VWA8: variants seen among roughly 807,000 people sequenced by gnomAD.
VWA8 encodes von Willebrand factor A domain-containing protein 8.
Under a neutral mutation model 241.5 loss-of-function variants are expected in VWA8, and 221 were observed. That is an observed-to-expected ratio of 0.91 (90% CI 0.82 to 1.02). The LOEUF (loss-of-function observed/expected upper bound fraction) is 1.02. Ranked by LOEUF, VWA8 falls within the 50% of genes least tolerant of loss-of-function variation. The probability of loss-of-function intolerance (pLI) is 0.00; values close to 1 mark genes in which losing one functional copy is unlikely to be tolerated. For missense variants in VWA8, 2,322 were observed against 2,328.7 expected, an observed-to-expected ratio of 1.00 and a Z score of 0.06; for synonymous variants, 852 against 827.1, an observed-to-expected ratio of 1.03 and a Z score of -0.52.
intron 1 of VWA8, among the ~76,000 whole-genome samples, chr13:41,960,046 A>G (rs1878540785): frequency 6.6e-6 from 1 of 152,194 alleles, no homozygotes; most frequent in Non-Finnish European, 1.5e-5. Flanking sequence ...GAATCACTTC[A>G]CCATTCAAGG....
chr13:41,570,420 T>C (rs1408886343), intron 44 of VWA8, 48 bp downstream of exon 44: 1 of 1,525,432 alleles, frequency 6.6e-7, no homozygotes, highest in Non-Finnish European at 9.1e-7. Context: ...TGTTAGCTAC[T>C]CAGTATCTCT....
chr13:41,886,833 A>G lies in VWA8; in HGVS notation c.817-3T>C. On this transcript the variant is annotated splice_polypyrimidine_tract_variant and splice_region_variant and intron_variant, in intron 6 of 44. Coordinates refer to ENST00000379310, the MANE Select transcript of VWA8 (RefSeq NM_015058.2). Reference sequence around the variant, plus strand: ...GAATATAACAACTTAAGTTGGTCCTAAAGTAATACAGAAACATATTAAATT... The same window carrying G: ...GAATATAACAACTTAAGTTGGTCCTGAAGTAATACAGAAACATATTAAATT... 1.9e-6 allele frequency: 3 copies of G among 1,576,086 alleles called. No homozygotes were observed. Among genetic ancestry groups the G allele is most frequent in the Non-Finnish European group, 2.6e-6 (3 of 1,161,814 alleles).
At chr13:41,829,886 T>A (rs1871355321) in intron 14 of VWA8, among the ~76,000 whole-genome samples, 1 of 152,004 alleles carries the variant, frequency 6.6e-6, no homozygotes, top group Non-Finnish European at 1.5e-5. Flanking sequence ...ACTAAAGAAC[T>A]TATCCCTGTA....
At chr13:41,593,518 C>T (rs1266144171) in intron 40 of VWA8, among the ~76,000 whole-genome samples, 2 of 152,186 alleles carry the variant, frequency 1.3e-5, no homozygotes, top group Non-Finnish European at 2.9e-5. Flanking sequence ...GACAGACAAC[C>T]TTGACCACAC....
chr13:41,956,746 T>C (rs1878366613), intron 1 of VWA8, among the ~76,000 whole-genome samples: 1 of 152,230 alleles, frequency 6.6e-6, no homozygotes, highest in Admixed American at 6.5e-5. Flanking sequence ...GTTTATTGCA[T>C]TGTTTATATA....
At chr13:41,855,116 A>G (rs553185937) in intron 12 of VWA8, among the ~76,000 whole-genome samples, 2 of 151,952 alleles carry the variant, frequency 1.3e-5, no homozygotes, top group East Asian at 3.9e-4. Flanking sequence ...AAAATTAGAA[A>G]GAACAAAAAT....
intron 4 of VWA8, among the ~76,000 whole-genome samples, chr13:41,893,529 G>C (rs1405955268): frequency 6.7e-6 from 1 of 148,228 alleles, no homozygotes; most frequent in Non-Finnish European, 1.5e-5. Context: ...ACAAAAAAAA[G>C]AATCTCATTT....
At chr13:41,880,982 T>G (rs1874142992) in intron 9 of VWA8, among the ~76,000 whole-genome samples, 1 of 152,136 alleles carries the variant, frequency 6.6e-6, no homozygotes, top group African/African-American at 2.4e-5. Flanking sequence ...CCAAATGGTG[T>G]TTTTTCTATT....
chr13:41,691,080 T>C lies in VWA8; in HGVS notation c.3866+240A>G, dbSNP rs184838580. ...AAATAGGAAAAAGCCCAAATAAATA[T>C]GGATCATATGAAAAAGTCATGATTT... On this transcript the variant is annotated intron_variant, in intron 32 of 44. Transcript: ENST00000379310. Among the ~76,000 whole-genome samples, 592 of 152,180 alleles carry C rather than the reference T, an allele frequency of 3.9e-3. 7 individuals carry two copies. Among genetic ancestry groups the C allele is most frequent in the African/African-American group, 0.013 (532 of 41,524 alleles).
chr13:41,835,965 T>C (rs946851900), intron 12 of VWA8, among the ~76,000 whole-genome samples: 3 of 152,060 alleles, frequency 2.0e-5, no homozygotes, highest in African/African-American at 4.8e-5. Flanking sequence ...CAGAAACAGG[T>C]GGGGAACTTT....
Position 41,729,670 on chromosome 13 carries a change from G to A in VWA8, c.2510C>T (p.Ala837Val), listed in dbSNP as rs2045465824. 1.2e-6 allele frequency: 2 copies of A among 1,605,346 alleles called. No individual in the cohort carries two copies. The highest frequency in any genetic ancestry group is 3.5e-5 in the Admixed American group (2 of 57,658). ...IVYEDSPLVK[A>V]VKLGHILVVD... ...TACCAGAATATGACCCAACTTTACT[G>A]CTTTAACCTTTGACGACAGAAAATT... Residue 837 changes from alanine to valine, a missense_variant, in exon 23 of 45, where the codon GCA (alanine) becomes GTA (valine). Coordinates refer to ENST00000379310, the MANE Select transcript of VWA8 (RefSeq NM_015058.2).
chr13:41,818,428 C>T lies in VWA8; in HGVS notation c.1869+790G>A, dbSNP rs529447035. On this transcript the variant is annotated intron_variant, in intron 15 of 44. Coordinates refer to ENST00000379310, the MANE Select transcript of VWA8 (RefSeq NM_015058.2). Reference sequence around the variant, plus strand: ...CTCTACTAAAAATAGAAAAATTAGCCAGGTGTGGTGGTGCGCACCTGTAGT... The same window carrying T: ...CTCTACTAAAAATAGAAAAATTAGCTAGGTGTGGTGGTGCGCACCTGTAGT... 3.4e-4 allele frequency among the ~76,000 whole-genome samples: 51 copies of T among 151,642 alleles called. No individual in the cohort carries two copies. In the South Asian group the frequency reaches 3.8e-3, roughly 11 times the overall value.
At chr13:41,731,774 A>T (rs1318582092) in intron 22 of VWA8, among the ~76,000 whole-genome samples, 1 of 152,134 alleles carries the variant, frequency 6.6e-6, no homozygotes, top group Non-Finnish European at 1.5e-5. Context: ...GTAATGAATA[A>T]GTCTCACAAG....
intron 21 of VWA8, among the ~76,000 whole-genome samples, chr13:41,746,358 A>G (rs1020987440): frequency 5.3e-5 from 8 of 152,160 alleles, no homozygotes; most frequent in Admixed American, 2.0e-4. Flanking sequence ...GAAGAAACCC[A>G]TAGACTCTTG....
Position 41,690,268 on chromosome 13 carries a change from G to A in VWA8, c.3874C>T (p.Leu1292Phe). The A allele has an allele frequency of 6.2e-7, 1 of 1,606,296 alleles. No homozygotes were observed. ...TCGATGTGTGCAGGCTTAGTTAAAAGATATTTCCTGCAAACAAACAAAACA... is the reference window on the plus strand; with the variant it reads ...TCGATGTGTGCAGGCTTAGTTAAAAAATATTTCCTGCAAACAAACAAAACA... Reference protein sequence around the residue: ...LVESKTNQKYLLTKPAHIESE... With the variant: ...LVESKTNQKYFLTKPAHIESE... The change falls in exon 33 of 45, where the codon CTT becomes TTT. Residue 1292 changes from leucine (L) to phenylalanine (F), a missense_variant. Physicochemically the swap from Leu to Phe is conservative, Grantham distance 22. Transcript: ENST00000379310.
intron 12 of VWA8, among the ~76,000 whole-genome samples, chr13:41,853,260 T>A (rs1235561745): frequency 6.6e-6 from 1 of 152,140 alleles, no homozygotes; most frequent in African/African-American, 2.4e-5. Flanking sequence ...GAGCATAATG[T>A]TAGCTGTGGC....
intron 20 of VWA8, among the ~76,000 whole-genome samples, chr13:41,772,832 A>T (rs959299857): frequency 6.6e-6 from 1 of 152,242 alleles, no homozygotes; most frequent in Admixed American, 6.5e-5. Flanking sequence ...ATTCTTAGAA[A>T]AGATAGTATC....
chr13:41,910,949 C>T (rs1005857407), intron 3 of VWA8, among the ~76,000 whole-genome samples: 5 of 152,140 alleles, frequency 3.3e-5, no homozygotes, highest in Non-Finnish European at 7.4e-5. Flanking sequence ...TTCTCTTCAT[C>T]CTAAAAAATG....
At chr13:41,616,397 T>C (rs1412386740) in intron 37 of VWA8, among the ~76,000 whole-genome samples, 2 of 152,158 alleles carry the variant, frequency 1.3e-5, no homozygotes, top group East Asian at 3.8e-4. Flanking sequence ...GACATGACAA[T>C]TGATATAAAT....
Sources: allele counts gnomAD v4.1 joint callset (sites outside exome capture counted in the v4.1 genomes callset), GRCh38; gene constraint gnomAD v4.1.1; transcripts MANE v1.5; gene names NCBI Gene and HGNC (gene_info 2026-07-23, HGNC 2026-07-21).